Variants in ROBO2 observed in about 807,000 individuals in gnomAD.
ROBO2 encodes roundabout guidance receptor 2.
A neutral mutation model predicts 160.8 loss-of-function variants in ROBO2; 53 were observed. The ratio of observed to expected loss-of-function variants is 0.33; its 90% CI spans 0.26 to 0.41. The LOEUF (loss-of-function observed/expected upper bound fraction) is 0.41. ROBO2 is among the 10% of genes least tolerant of loss of function. The pLI, the probability that ROBO2 is intolerant of heterozygous loss-of-function variation, is 1.00. For missense variants in ROBO2, 1,577 were observed against 1,722.4 expected, an observed-to-expected ratio of 0.92 and a Z score of 1.49; for synonymous variants, 664 against 611.7, an observed-to-expected ratio of 1.09 and a Z score of -1.26.
intron 2 of ROBO2, among the ~76,000 whole-genome samples, chr3:76,663,601 T>C (rs1293208507): frequency 6.6e-6 from 1 of 151,982 alleles, no homozygotes; most frequent in Non-Finnish European, 1.5e-5. Context: ...TAAATAAAGA[T>C]AGGAACAAAT....
chr3:76,159,297 C>A (rs1211534336), intron 2 of ROBO2, among the ~76,000 whole-genome samples: 1 of 152,156 alleles, frequency 6.6e-6, no homozygotes. Context: ...GAAACACATC[C>A]TTGGACAGAA....
intron 2 of ROBO2, among the ~76,000 whole-genome samples, chr3:77,121,117 G>A (rs2074720702): frequency 6.6e-6 from 1 of 151,798 alleles, no homozygotes; most frequent in Non-Finnish European, 1.5e-5. Context: ...GCTAATTTTT[G>A]TATTTTTAGT....
chr3:76,790,322 A>G (rs531336445), intron 2 of ROBO2, among the ~76,000 whole-genome samples: 20 of 151,774 alleles, frequency 1.3e-4, no homozygotes, highest in African/African-American at 4.8e-4. Context: ...ACTTGCCACC[A>G]AGCCAAAGGA....
At chr3:77,292,274 G>A (rs559081752) in intron 2 of ROBO2, among the ~76,000 whole-genome samples, 1 of 151,426 alleles carries the variant, frequency 6.6e-6, no homozygotes, top group African/African-American at 2.4e-5. Context: ...GTAAGCTGAG[G>A]CTAGATCACC....
At chr3:76,312,887 G>A (rs2071698225) in intron 2 of ROBO2, among the ~76,000 whole-genome samples, 1 of 152,194 alleles carries the variant, frequency 6.6e-6, no homozygotes, top group African/African-American at 2.4e-5. Context: ...TATTTAAAAT[G>A]CTTGTGTGTG....
chr3:76,528,925 A>G (rs1055725837), intron 2 of ROBO2, among the ~76,000 whole-genome samples: 10 of 152,126 alleles, frequency 6.6e-5, no homozygotes, highest in East Asian at 1.9e-4. Flanking sequence ...GGAAAGGTCC[A>G]CAGTCTCATA....
intron 2 of ROBO2, among the ~76,000 whole-genome samples, chr3:77,030,893 C>A (rs1227624628): frequency 6.6e-6 from 1 of 152,052 alleles, no homozygotes. Context: ...TTTGAAGGAC[C>A]CTATTCAACC....
chr3:77,537,293 G>A (rs1263813341), intron 6 of ROBO2, among the ~76,000 whole-genome samples: 5 of 152,008 alleles, frequency 3.3e-5, no homozygotes, highest in African/African-American at 7.3e-5. Flanking sequence ...TGGGGAGGAG[G>A]TTCTGATATT....
At chr3:76,871,834 A>C (rs573896034) in intron 2 of ROBO2, among the ~76,000 whole-genome samples, 2 of 152,202 alleles carry the variant, frequency 1.3e-5, no homozygotes, top group Non-Finnish European at 2.9e-5. Flanking sequence ...TCTTGCTTAC[A>C]TTAGAGCTAG....
intron 2 of ROBO2, among the ~76,000 whole-genome samples, chr3:76,705,765 G>T (rs1170539964): frequency 6.6e-6 from 1 of 152,008 alleles, no homozygotes; most frequent in African/African-American, 2.4e-5. Flanking sequence ...ACTAAAGTAG[G>T]TCTGTTTGCA....
At chr3:77,551,308 G>C (rs2092912882) in intron 8 of ROBO2, among the ~76,000 whole-genome samples, 1 of 151,978 alleles carries the variant, frequency 6.6e-6, no homozygotes, top group East Asian at 1.9e-4. Context: ...AGGCTGACAT[G>C]ATTGGCTCTA....
intron 2 of ROBO2, among the ~76,000 whole-genome samples, chr3:76,885,979 G>A (rs974313954): frequency 2.0e-5 from 3 of 152,096 alleles, no homozygotes; most frequent in Non-Finnish European, 2.9e-5. Context: ...AAGAAAACCT[G>A]TCACAGTGGA....
chr3:76,946,072 G>A (rs937391057), intron 2 of ROBO2, among the ~76,000 whole-genome samples: 5 of 152,066 alleles, frequency 3.3e-5, no homozygotes, highest in African/African-American at 9.7e-5. Context: ...TCTGAGATAC[G>A]GTTCCTTAGA....
chr3:77,143,442 C>T (rs2076880499), intron 2 of ROBO2, among the ~76,000 whole-genome samples: 1 of 151,976 alleles, frequency 6.6e-6, no homozygotes, highest in South Asian at 2.1e-4. Context: ...GTGATCCATC[C>T]ACCTCAGCCT....
intron 2 of ROBO2, among the ~76,000 whole-genome samples, chr3:77,355,958 A>G (rs1421471329): frequency 6.6e-6 from 1 of 152,084 alleles, no homozygotes; most frequent in African/African-American, 2.4e-5. Flanking sequence ...GGAGAAGACA[A>G]TTAACTGAAG....
chr3:76,982,529 T>A (rs2060149286), intron 2 of ROBO2, among the ~76,000 whole-genome samples: 1 of 152,194 alleles, frequency 6.6e-6, no homozygotes, highest in African/African-American at 2.4e-5. Flanking sequence ...TTGTTCTTGT[T>A]TTTCAAGATT....
chr3:77,091,759 G>A (rs1327489552), intron 1 of ROBO2, among the ~76,000 whole-genome samples: 6 of 152,054 alleles, frequency 3.9e-5, no homozygotes, highest in African/African-American at 7.2e-5. Flanking sequence ...CAGGAGGCTC[G>A]CTTGAGGCCA....
At chr3:76,857,907 G>A (rs2070309195) in intron 2 of ROBO2, among the ~76,000 whole-genome samples, 1 of 152,058 alleles carries the variant, frequency 6.6e-6, no homozygotes, top group African/African-American at 2.4e-5. Context: ...AAACAAGTTA[G>A]GGTTCCTTAA....
intron 2 of ROBO2, among the ~76,000 whole-genome samples, chr3:77,111,170 G>A (rs981343778): frequency 6.6e-6 from 1 of 151,890 alleles, no homozygotes; most frequent in Non-Finnish European, 1.5e-5. Context: ...TACATACAGG[G>A]AGAACATACT....
Sources: gnomAD v4.1 joint callset for allele counts (sites outside exome capture counted in the v4.1 genomes callset) on GRCh38, gnomAD v4.1.1 for gene constraint, MANE v1.5 for transcripts, NCBI Gene and HGNC (gene_info 2026-07-23, HGNC 2026-07-21) for gene names.